Variants in SCUBE1 observed in about 807,000 individuals in gnomAD.
SCUBE1 encodes signal peptide, CUB domain and EGF like domain containing 1.
SCUBE1 carries 59 observed loss-of-function variants against 124.4 expected under a neutral mutation model. That is an observed-to-expected ratio of 0.47 (90% CI 0.38 to 0.59). The LOEUF is 0.59. Ranked by LOEUF, SCUBE1 falls within the 20% of genes least tolerant of loss-of-function variation. The pLI, the probability that SCUBE1 is intolerant of heterozygous loss-of-function variation, is 0.00. For synonymous variants in SCUBE1, 545 were observed against 550.9 expected (o/e 0.99, Z 0.15); for missense variants, 1,150 against 1,371.2 (o/e 0.84, Z 2.55).
chr22:43,214,047 G>GGCCCC, intron 16 of SCUBE1, 43 bp downstream of exon 16: 2 of 143,440 alleles, frequency 1.4e-5, no homozygotes, highest in Non-Finnish European at 2.6e-5. Context: ...AGGAGCCCCC[G>GGCCCC]CCCACCCCCC....
At chr22:43,316,090 A>G (rs1926338314) in intron 3 of SCUBE1, among the ~76,000 whole-genome samples, 1 of 152,112 alleles carries the variant, frequency 6.6e-6, no homozygotes, top group Non-Finnish European at 1.5e-5. Flanking sequence ...GAAGCCAGTG[A>G]CCAGATGAAT....
intron 3 of SCUBE1, among the ~76,000 whole-genome samples, chr22:43,314,510 G>C (rs1926277238): frequency 6.6e-6 from 1 of 152,134 alleles, no homozygotes; most frequent in South Asian, 2.1e-4. Context: ...CATGGAGTAA[G>C]GGGTCCACAG....
intron 2 of SCUBE1, among the ~76,000 whole-genome samples, chr22:43,337,308 G>C (rs1350254639): frequency 6.6e-6 from 1 of 152,140 alleles, no homozygotes; most frequent in East Asian, 1.9e-4. Context: ...CCGGGCAGGG[G>C]ACAGCAGGAG....
intron 15 of SCUBE1, among the ~76,000 whole-genome samples, chr22:43,216,489 C>T (rs1208169932): frequency 6.6e-6 from 1 of 151,360 alleles, no homozygotes; most frequent in Non-Finnish European, 1.5e-5. Context: ...CCTGTCTCTA[C>T]TAAAAATACA....
Position 43,198,596 on chromosome 22 carries a change from C to T in SCUBE1, c.*5401G>A, listed in dbSNP as rs1334540034. ...CCCTCATTACATCCTCTGCCCTTGG[C>T]CTGAATGATGTCGGCTCGGCATGGA... On this transcript the variant is annotated 3_prime_UTR_variant, in exon 22 of 22. Coordinates refer to ENST00000360835, the MANE Select transcript of SCUBE1 (RefSeq NM_173050.5). 1 of 456,636 alleles carries T rather than the reference C, an allele frequency of 2.2e-6. No homozygotes were observed. The highest frequency in any genetic ancestry group is 4.4e-6 in the Non-Finnish European group (1 of 226,998). The allele number at this position is 456,636 out of a possible 1,614,324, so 28.3% of individuals were successfully genotyped here.
chr22:43,275,192 C>T (rs1345114482), intron 4 of SCUBE1, among the ~76,000 whole-genome samples: 1 of 152,184 alleles, frequency 6.6e-6, no homozygotes, highest in Non-Finnish European at 1.5e-5. Flanking sequence ...TTCTGACAGA[C>T]AAACTGGGGC....
intron 3 of SCUBE1, among the ~76,000 whole-genome samples, chr22:43,312,823 G>C (rs548223033): frequency 5.3e-5 from 8 of 152,266 alleles, no homozygotes; most frequent in African/African-American, 1.9e-4. Context: ...CCAAACTCAC[G>C]GATAGATACA....
intron 3 of SCUBE1, among the ~76,000 whole-genome samples, chr22:43,316,135 T>C (rs773107698): frequency 6.6e-6 from 1 of 152,220 alleles, no homozygotes; most frequent in Non-Finnish European, 1.5e-5. Context: ...TGCCAGACAC[T>C]CTGCTACATG....
intron 15 of SCUBE1, among the ~76,000 whole-genome samples, chr22:43,215,238 G>A (rs1269306136): frequency 6.6e-6 from 1 of 152,210 alleles, no homozygotes; most frequent in Non-Finnish European, 1.5e-5. Flanking sequence ...AGACCCAAGA[G>A]CCAGCTTGGT....
intron 3 of SCUBE1, among the ~76,000 whole-genome samples, chr22:43,312,431 C>A (rs537686540): frequency 3.3e-5 from 5 of 151,958 alleles, no homozygotes; most frequent in African/African-American, 1.2e-4. Context: ...TAGGACTCTG[C>A]GGGTACAGGG....
At chr22:43,224,122 C>T (rs1364581447) in intron 10 of SCUBE1, among the ~76,000 whole-genome samples, 2 of 152,240 alleles carry the variant, frequency 1.3e-5, no homozygotes, top group Non-Finnish European at 2.9e-5. Context: ...TTTGGTAATT[C>T]TGGAGGTTCC....
intron 14 of SCUBE1, among the ~76,000 whole-genome samples, chr22:43,219,480 C>CTTT (rs139001): frequency 0.26 from 36,986 of 144,424 alleles, 5,034 homozygotes; most frequent in African/African-American, 0.3. Context: ...AAAACATTTC[C>CTTT]TTTTTTTTTT....
rs143157910 is a variant in SCUBE1 at position 43,338,608 on chromosome 22, C to A, written c.220+496G>T. ...TGGCGCCATCTCGGCTCACTGCAACCTCTGCCTCCTGGGTTCAAGTGATTC... is the reference window on the plus strand; with the variant it reads ...TGGCGCCATCTCGGCTCACTGCAACATCTGCCTCCTGGGTTCAAGTGATTC... On this transcript the variant is annotated intron_variant, in intron 2 of 21. Coordinates refer to ENST00000360835, the MANE Select transcript of SCUBE1 (RefSeq NM_173050.5). 9.5e-3 allele frequency among the ~76,000 whole-genome samples: 1,453 copies of A among 152,274 alleles called. 20 individuals are homozygous for A. Among genetic ancestry groups the A allele is most frequent in the Non-Finnish European group, 0.012 (794 of 68,020 alleles).
chr22:43,212,957 C>T (rs1390470147), intron 16 of SCUBE1, among the ~76,000 whole-genome samples: 1 of 152,088 alleles, frequency 6.6e-6, no homozygotes, highest in Admixed American at 6.5e-5. Flanking sequence ...TAGGCTGCAC[C>T]GGGGTCTCCG....
At chr22:43,218,613 C>T (rs1921944528) in intron 14 of SCUBE1, among the ~76,000 whole-genome samples, 155 bp from the exon 15 acceptor site, 1 of 152,234 alleles carries the variant, frequency 6.6e-6, no homozygotes, top group East Asian at 1.9e-4. Context: ...CACTGTCATG[C>T]CCATCTGACA....
chr22:43,334,528 A>G (rs547955152), intron 2 of SCUBE1, among the ~76,000 whole-genome samples: 32 of 152,268 alleles, frequency 2.1e-4, no homozygotes, highest in African/African-American at 7.7e-4. Context: ...CAGATACATC[A>G]TCATCATCTT....
chr22:43,208,770 A>G (rs6003105), intron 19 of SCUBE1, among the ~76,000 whole-genome samples: 7 of 152,340 alleles, frequency 4.6e-5, no homozygotes, highest in African/African-American at 1.7e-4. Context: ...CGAGTGCGGC[A>G]GCGTGGGTAC....
chr22:43,230,732 G>A (rs543018824), intron 8 of SCUBE1, among the ~76,000 whole-genome samples: 20 of 152,334 alleles, frequency 1.3e-4, no homozygotes, highest in African/African-American at 4.6e-4. Context: ...GCCTGGGGAA[G>A]GCAGCGGCTG....
intron 3 of SCUBE1, among the ~76,000 whole-genome samples, chr22:43,300,051 G>C (rs1439275252): frequency 6.6e-6 from 1 of 152,236 alleles, no homozygotes; most frequent in Non-Finnish European, 1.5e-5. Flanking sequence ...GGGTTGTGCT[G>C]GCTTTGTGGC....
Sources: allele counts gnomAD v4.1 joint callset (sites outside exome capture counted in the v4.1 genomes callset), GRCh38; gene constraint gnomAD v4.1.1; transcripts MANE v1.5; gene names NCBI Gene and HGNC (gene_info 2026-07-23, HGNC 2026-07-21).